The following GNAT1 variants were observed in gnomAD, a reference collection of about 807,000 sequenced individuals.
GNAT1 encodes guanine nucleotide-binding protein G(t) subunit alpha-1.
In GNAT1, 36 loss-of-function variants were observed where a neutral mutation model predicts 40.0. The ratio of observed to expected loss-of-function variants is 0.90; its 90% CI spans 0.69 to 1.19. GNAT1 has a LOEUF of 1.19. Ranked by LOEUF, GNAT1 falls within the 50% of genes most tolerant of loss-of-function variation. GNAT1 has a pLI of 0.00. For synonymous variants in GNAT1, 195 were observed against 192.9 expected (o/e 1.01, Z -0.09); for missense variants, 413 against 480.6 (o/e 0.86, Z 1.32).
chr3:50,196,094 G>A lies in GNAT1; in HGVS notation c.*828G>A, dbSNP rs1699498050. On this transcript the variant is annotated 3_prime_UTR_variant, in exon 9 of 9. Coordinates refer to ENST00000232461, the MANE Select transcript of GNAT1 (RefSeq NM_144499.3). ...GGAGGGTACTGTTGACACCAGCTAT[G>A]GCCAATAGCTGGGCTGTCCTGAGGG... 2 of 152,350 alleles carry A rather than the reference G, an allele frequency of 1.3e-5. No homozygotes were observed. The highest frequency in any genetic ancestry group is 4.1e-4 in the South Asian group (2 of 4,838). 9.4% of individuals were successfully genotyped at this position (152,350 alleles called of 1,614,324 possible). A position where few individuals can be genotyped will look rare whatever the true frequency, so the allele number is the denominator to read the frequency against.
chr3:50,194,683 C>T lies in GNAT1; in HGVS notation c.862+29C>T. 1 of 1,610,456 alleles carries T rather than the reference C, an allele frequency of 6.2e-7. No homozygotes were observed. Among genetic ancestry groups the T allele is most frequent in the South Asian group, 1.1e-5 (1 of 91,032 alleles). On this transcript the variant is annotated intron_variant, in intron 7 of 8. Transcript: ENST00000232461. This position sits in a 1 kb window ranked among gnomAD's most constrained non-coding sequence, Gnocchi z 6.1. Reference sequence around the variant, plus strand: ...AGAAGTCCGCAAGGCCGCCAGGCGGCGCCCCCGCCCCACGATCGCGGCGCG... The same window carrying T: ...AGAAGTCCGCAAGGCCGCCAGGCGGTGCCCCCGCCCCACGATCGCGGCGCG...
chr3:50,193,306 A>G lies in GNAT1; in HGVS notation c.191A>G (p.Glu64Gly). 1.9e-6 allele frequency: 3 copies of G among 1,614,036 alleles called. No individual in the cohort carries two copies. The highest frequency in any genetic ancestry group is 2.5e-6 in the Non-Finnish European group (3 of 1,179,952). The change falls in exon 3 of 9, where the codon GAG (glutamate) becomes GGG (glycine). Residue 64 changes from glutamate (E) to glycine (G), a missense_variant. Physicochemically the swap from Glu to Gly is moderately conservative, Grantham distance 98. Coordinates refer to ENST00000232461, the MANE Select transcript of GNAT1 (RefSeq NM_144499.3). This position sits in a 1 kb window ranked among gnomAD's most constrained non-coding sequence, Gnocchi z 8.1. ...GGGTACTCGCTGGAAGAGTGCCTCG[A>G]GTTTATCGCCATCATCTACGGCAAC... is the stretch of plus-strand genomic sequence containing the variant. The part of the protein sequence containing the change: ...QDGYSLEECL[E>G]FIAIIYGNTL...
intron 8 of GNAT1, 51 bp downstream of exon 8, chr3:50,195,007 A>G: frequency 7.5e-7 from 1 of 1,329,148 alleles, no homozygotes; most frequent in South Asian, 1.2e-5. Flanking sequence ...AGCCCCGTCC[A>G]GCTCCCCACC....
In GNAT1 at chr3:50,194,367, G is replaced by A; in HGVS notation, c.709-134G>A. 7.2e-7 allele frequency: 1 copy of A among 1,382,012 alleles called. No individual in the cohort carries two copies. Among genetic ancestry groups the A allele is most frequent in the African/African-American group, 1.4e-5 (1 of 70,060 alleles). The allele number at this position is 1,382,012 out of a possible 1,614,324, so 85.6% of individuals were successfully genotyped here. ...TGAGGAGGCCCGGAGGCGTTCAGCA[G>A]GCCCATCTGGGGCAGTGCGGGGAGC... On this transcript the variant is annotated intron_variant, in intron 6 of 8. Transcript: ENST00000232461. This position sits in a 1 kb window ranked among gnomAD's most constrained non-coding sequence, Gnocchi z 6.1.
chr3:50,192,749 C>G (rs1408457385), intron 1 of GNAT1: 1 of 407,812 alleles, frequency 2.5e-6, no homozygotes, highest in Non-Finnish European at 4.6e-6. Flanking sequence ...TTACCCGCCT[C>G]AAATAACCCA....
In GNAT1 at chr3:50,191,667, A is replaced by G; in HGVS notation, c.-59A>G. ...GTGCCTGGGAGGCCAGGTTCTGGGGATCCCCTCCATCCAGAAGAACCACCT... is the reference window on the plus strand; with the variant it reads ...GTGCCTGGGAGGCCAGGTTCTGGGGGTCCCCTCCATCCAGAAGAACCACCT... On this transcript the variant is annotated 5_prime_UTR_variant, in exon 1 of 9. Transcript: ENST00000232461. 22 of 1,275,408 alleles carry G rather than the reference A, an allele frequency of 1.7e-5. No homozygotes were observed. Among genetic ancestry groups the G allele is most frequent in the Non-Finnish European group, 2.5e-5 (22 of 871,608 alleles). The allele number at this position is 1,275,408 out of a possible 1,614,324, so 79.0% of individuals were successfully genotyped here.
chr3:50,195,196 C>T (rs1699483662), intron 8 of GNAT1, 72 bp from the exon 9 acceptor site: 1 of 590,346 alleles, frequency 1.7e-6, no homozygotes, highest in African/African-American at 1.9e-5. Context: ...TCCAGGGCCG[C>T]CCCACCACAC....
At chr3:50,192,982 G>A (rs1699435273) in intron 1 of GNAT1, 151 bp from the exon 2 acceptor site, 2 of 717,392 alleles carry the variant, frequency 2.8e-6, no homozygotes, top group Non-Finnish European at 4.9e-6. Context: ...TTTGGATGGG[G>A]GGGTAGGTGT....
intron 1 of GNAT1, 32 bp downstream of exon 1, chr3:50,191,863 C>CA (rs1699416708): frequency 7.1e-7 from 1 of 1,398,800 alleles, no homozygotes; most frequent in Non-Finnish European, 1.0e-6. Context: ...GGGCCACTGC[C>CA]ACCAGGTCAT....
Position 50,193,755 on chromosome 3 carries a change from A to G in GNAT1, c.452A>G (p.Tyr151Cys), listed in dbSNP as rs752200483. 2 of 1,610,038 alleles carry G rather than the reference A, an allele frequency of 1.2e-6. No individual in the cohort carries two copies. Among genetic ancestry groups the G allele is most frequent in the Admixed American group, 3.3e-5 (2 of 59,706 alleles). ...EYQLNDSAGYYLSDLERLVTP... is the reference protein window; with the variant it reads ...EYQLNDSAGYCLSDLERLVTP... ...ACCTACGGCCGGGTCTCGCGCAGCT[A>G]CCTCTCCGACCTGGAGCGCCTGGTA... Residue 151 changes from tyrosine (Y) to cysteine (C), a missense_variant and splice_region_variant, in exon 5 of 9, where the codon TAC becomes TGC. Tyr to Cys is a radical substitution (Grantham distance 194). Transcript: ENST00000232461. This position sits in a 1 kb window ranked among gnomAD's most constrained non-coding sequence, Gnocchi z 8.1.
In GNAT1 at chr3:50,194,076, C is replaced by G. The variant is rs763763278; in HGVS notation, c.579-16C>G. The G allele has an allele frequency of 6.2e-7, 1 of 1,612,618 alleles. No homozygotes were observed. Among genetic ancestry groups the G allele is most frequent in the Non-Finnish European group, 8.5e-7 (1 of 1,179,212 alleles). ...TGGGGCCCGGGGCGCAGGTTCAGGCCCCCGCGGCCCCGCAGGATGTTCGAT... is the reference window on the plus strand; with the variant it reads ...TGGGGCCCGGGGCGCAGGTTCAGGCGCCCGCGGCCCCGCAGGATGTTCGAT... On this transcript the variant is annotated splice_polypyrimidine_tract_variant and intron_variant, in intron 5 of 8. Transcript: ENST00000232461. This position sits in a 1 kb window ranked among gnomAD's most constrained non-coding sequence, Gnocchi z 6.1.
Position 50,194,826 on chromosome 3 carries a change from G to T in GNAT1, c.924G>T (p.Met308Ile). 1 of 1,613,948 alleles carries T rather than the reference G, an allele frequency of 6.2e-7. No homozygotes were observed. The highest frequency in any genetic ancestry group is 8.5e-7 in the Non-Finnish European group (1 of 1,180,010). ...YIKVQFLELN[M>I]RRDVKEIYSH... Reference sequence around the variant, plus strand: ...AGGTGCAGTTCCTCGAGCTCAACATGCGGCGCGACGTGAAGGAGATCTATT... The same window carrying T: ...AGGTGCAGTTCCTCGAGCTCAACATTCGGCGCGACGTGAAGGAGATCTATT... The change falls in exon 8 of 9, where the codon ATG (methionine) becomes ATT (isoleucine). Residue 308 changes from methionine to isoleucine, a missense_variant. Transcript: ENST00000232461. The surrounding 1 kb of genome is among the most constrained non-coding windows in gnomAD (Gnocchi z 6.1).
chr3:50,192,592 C>T (rs1291690972), intron 1 of GNAT1: 2 of 197,098 alleles, frequency 1.0e-5, no homozygotes, highest in Non-Finnish European at 2.1e-5. Flanking sequence ...AGAGGCTAAG[C>T]CGGAAATCTC....
At position 50,193,362 on chromosome 3, in the gene GNAT1, G is replaced by A. The variant is rs1325267297; in HGVS notation, c.247G>A (p.Ala83Thr). The stretch of plus-strand genomic sequence containing the variant: ...GCAGTCCATCCTGGCCATCGTACGC[G>A]CCATGACCACACTCAACATCCAGTA... ...TLQSILAIVR[A>T]MTTLNIQYGD... Residue 83 changes from alanine to threonine, a missense_variant, in exon 3 of 9, where the codon GCC becomes ACC. By Grantham distance (58) the Ala-to-Thr change is moderately conservative. Transcript: ENST00000232461. The surrounding 1 kb of genome is among the most constrained non-coding windows in gnomAD (Gnocchi z 8.1). 2 of 1,614,040 alleles carry A rather than the reference G, an allele frequency of 1.2e-6. No homozygotes were observed. Among genetic ancestry groups the A allele is most frequent in the Admixed American group, 1.7e-5 (1 of 60,014 alleles).
In GNAT1 at chr3:50,193,834, C is replaced by T; in HGVS notation, c.531C>T (p.Thr177=). 1 of 1,613,252 alleles carries T rather than the reference C, an allele frequency of 6.2e-7. No homozygotes were observed. The highest frequency in any genetic ancestry group is 8.5e-7 in the Non-Finnish European group (1 of 1,179,954). Residue 177 remains threonine, a synonymous_variant, in exon 5 of 9, where the codon ACC becomes ACT. Transcript: ENST00000232461. This position sits in a 1 kb window ranked among gnomAD's most constrained non-coding sequence, Gnocchi z 8.1. Reference sequence around the variant, plus strand: ...ACGTGCTGCGCTCGCGAGTCAAGACCACTGGCATCATCGAGACGCAGTTCT... The same window carrying T: ...ACGTGCTGCGCTCGCGAGTCAAGACTACTGGCATCATCGAGACGCAGTTCT... ...EQDVLRSRVK[T]TGIIETQFSF... is the part of the protein sequence containing the mutation.
chr3:50,192,810 T>A (rs1001568081), intron 1 of GNAT1: 22 of 510,570 alleles, frequency 4.3e-5, no homozygotes, highest in African/African-American at 3.9e-4. Flanking sequence ...GCTCCGGGAT[T>A]TCTTCATTGC....
In GNAT1 at chr3:50,193,313, C is replaced by T; in HGVS notation, c.198C>T (p.Ile66=). ...GYSLEECLEF[I]AIIYGNTLQS... ...CGCTGGAAGAGTGCCTCGAGTTTAT[C>T]GCCATCATCTACGGCAACACGTTGC... is the stretch of plus-strand genomic sequence containing the variant. Residue 66 remains isoleucine (I), a synonymous_variant, in exon 3 of 9, where the codon ATC becomes ATT. Coordinates refer to ENST00000232461, the MANE Select transcript of GNAT1 (RefSeq NM_144499.3). This position sits in a 1 kb window ranked among gnomAD's most constrained non-coding sequence, Gnocchi z 8.1. 1 of 1,614,088 alleles carries T rather than the reference C, an allele frequency of 6.2e-7. No homozygotes were observed. Among genetic ancestry groups the T allele is most frequent in the East Asian group, 2.2e-5 (1 of 44,886 alleles).
At chr3:50,192,155 A>T (rs1699420916) in intron 1 of GNAT1, among the ~76,000 whole-genome samples, 1 of 152,206 alleles carries the variant, frequency 6.6e-6, no homozygotes, top group Admixed American at 6.5e-5. Context: ...AGCTTCATGC[A>T]GCCTTTGGTT....
rs1699457258 is a variant in GNAT1, at chr3:50,193,754, T to A, written c.451T>A (p.Tyr151Asn). The change falls in exon 5 of 9, where the codon TAC becomes AAC. Residue 151 changes from tyrosine to asparagine, a missense_variant and splice_region_variant. Coordinates refer to ENST00000232461, the MANE Select transcript of GNAT1 (RefSeq NM_144499.3). The surrounding 1 kb of genome is among the most constrained non-coding windows in gnomAD (Gnocchi z 8.1). Reference sequence around the variant, plus strand: ...CACCTACGGCCGGGTCTCGCGCAGCTACCTCTCCGACCTGGAGCGCCTGGT... The same window carrying A: ...CACCTACGGCCGGGTCTCGCGCAGCAACCTCTCCGACCTGGAGCGCCTGGT... ...EYQLNDSAGY[Y>N]LSDLERLVTP... The A allele has an allele frequency of 6.2e-7, 1 of 1,610,148 alleles. No homozygotes were observed. The highest frequency in any genetic ancestry group is 8.5e-7 in the Non-Finnish European group (1 of 1,178,860).
Sources: gnomAD v4.1 joint callset for allele counts (sites outside exome capture counted in the v4.1 genomes callset) on GRCh38, gnomAD v4.1.1 for gene constraint, Gnocchi (gnomAD v3.1) non-coding constraint, MANE v1.5 for transcripts, NCBI Gene and HGNC (gene_info 2026-07-23, HGNC 2026-07-21) for gene names.